Variants in POLI observed in about 807,000 individuals in gnomAD.
POLI encodes the protein RAD30 homolog B.
Under a neutral mutation model 51.6 loss-of-function variants are expected in POLI, and 58 were observed. The observed-to-expected ratio is 1.12, with a 90% CI of 0.91 to 1.40. The LOEUF is 1.40. Ranked by LOEUF, POLI falls within the 40% of genes most tolerant of loss-of-function variation. The pLI is 0.00. For synonymous variants in POLI, 322 were observed against 299.7 expected, an observed-to-expected ratio of 1.07 and a Z score of -0.77; for missense variants, 921 against 871.3, an observed-to-expected ratio of 1.06 and a Z score of -0.72.
intron 5 of POLI, among the ~76,000 whole-genome samples, chr18:54,281,918 A>G (rs1053826635): frequency 2.0e-5 from 3 of 152,110 alleles, no homozygotes; most frequent in Non-Finnish European, 4.4e-5. Context: ...TAACTGTGGA[A>G]TTACTGTTTT....
chr18:54,285,521 AGTGT>A (rs61280100), intron 7 of POLI, among the ~76,000 whole-genome samples: 27,150 of 144,474 alleles, frequency 0.19, 2,564 homozygotes, highest in Middle Eastern at 0.23. Flanking sequence ...AAATTACAGG[AGTGT>A]GTGTGTGTGT....
Position 54,273,997 on chromosome 18 carries a change from A to C in POLI, c.313A>C (p.Asn105His). 1.3e-6 allele frequency: 2 copies of C among 1,584,794 alleles called. No homozygotes were observed. The part of the protein sequence containing the change: ...ARKLGVKKLM[N>H]VRDAKEKCPQ... Reference sequence around the variant, plus strand: ...GAAACTTGGAGTTAAGAAACTTATGAATGTCAGAGATGCAAAAGAAAAGTG... The same window carrying C: ...GAAACTTGGAGTTAAGAAACTTATGCATGTCAGAGATGCAAAAGAAAAGTG... Residue 105 changes from asparagine to histidine, a missense_variant, in exon 3 of 10, where the codon AAT becomes CAT. Asn to His is a moderately conservative substitution (Grantham distance 68). Coordinates refer to ENST00000579534, the MANE Select transcript of POLI (RefSeq NM_007195.3).
chr18:54,270,049 A>G (rs3730672), intron 1 of POLI: 16,360 of 1,000,482 alleles, frequency 0.016, 141 homozygotes, highest in Non-Finnish European at 0.018. Flanking sequence ...CCCGGATCTC[A>G]GTCCTGGCAG....
intron 3 of POLI, among the ~76,000 whole-genome samples, chr18:54,317,449 G>A (rs1053329271): frequency 2.0e-5 from 3 of 152,154 alleles, no homozygotes; most frequent in Admixed American, 6.6e-5. Context: ...AAAAAATGAA[G>A]TATATTAAGA....
rs200966685 is a variant in POLI, at chr18:54,276,172, T to TG, written c.407-1528dup. Reference sequence around the variant, plus strand: ...GGTGGGGTATCATTTGAGGTCAGTCTGGGCAATATAACATAGCAAGACCCT... The same window carrying TG: ...GGTGGGGTATCATTTGAGGTCAGTCTGGGGCAATATAACATAGCAAGACCCT... On this transcript the variant is annotated intron_variant, in intron 3 of 9. Transcript: ENST00000579534. Among the ~76,000 whole-genome samples, 577 of 151,810 alleles carry TG rather than the reference T, an allele frequency of 3.8e-3. 4 individuals are homozygous for TG. Among genetic ancestry groups the TG allele is most frequent in the African/African-American group, 0.013 (533 of 41,374 alleles).
At chr18:54,274,536 T>C (rs2087154475) in intron 3 of POLI, among the ~76,000 whole-genome samples, 1 of 151,780 alleles carries the variant, frequency 6.6e-6, no homozygotes, top group Admixed American at 6.6e-5. Context: ...TTAATAAAAA[T>C]ATTGGATATA....
rs774239050 is a variant in POLI, at chr18:54,269,612, G to A, written c.66G>A (p.Glu22=). The change falls in exon 1 of 10, where the codon GAG becomes GAA. Residue 22 remains glutamate, a synonymous_variant. Transcript: ENST00000579534. ...GCGACGACGACGAGGAAGACGCCGA[G>A]GCCTGGGCCATGGAACTGGCGGACG... ...GGGDDDEEDA[E]AWAMELADVG... is the part of the protein sequence containing the mutation. The A allele has an allele frequency of 2.0e-6, 3 of 1,511,432 alleles. No individual in the cohort carries two copies. Among genetic ancestry groups the A allele is most frequent in the East Asian group, 2.8e-5 (1 of 35,708 alleles). 93.6% of individuals were successfully genotyped at this position (1,511,432 alleles called of 1,614,324 possible).
chr18:54,278,718 A>G (rs1330742793), intron 4 of POLI, among the ~76,000 whole-genome samples: 4 of 152,246 alleles, frequency 2.6e-5, no homozygotes, highest in African/African-American at 4.8e-5. Context: ...ACATTTGAAA[A>G]TAAGCTGCAG....
Position 54,273,908 on chromosome 18 carries a change from A to T in POLI, c.242-18A>T. ...TTCTTCAATTGTGCTTGGGTTTCTC[A>T]TAAAATATTTTTTACAGGGGTTCAA... On this transcript the variant is annotated intron_variant, in intron 2 of 9. Coordinates refer to ENST00000579534, the MANE Select transcript of POLI (RefSeq NM_007195.3). The T allele has an allele frequency of 6.9e-7, 1 of 1,445,978 alleles. No homozygotes were observed. The highest frequency in any genetic ancestry group is 9.2e-7 in the Non-Finnish European group (1 of 1,082,588). 89.6% of individuals were successfully genotyped at this position (1,445,978 alleles called of 1,614,324 possible).
chr18:54,274,023 TC>T lies in POLI; in HGVS notation c.341del (p.Pro114HisfsTer5). 6.3e-7 allele frequency: 1 copy of T among 1,580,254 alleles called. No individual in the cohort carries two copies. The highest frequency in any genetic ancestry group is 2.3e-5 in the East Asian group (1 of 43,110). ...ATGTCAGAGATGCAAAAGAAAAGTG[TC>T]CACAGTTGGTATTAGTTAATGGAGA... ...MNVRDAKEKC[P>X]QLVLVNGEDL... On this transcript the variant is annotated frameshift_variant, in exon 3 of 10. Transcript: ENST00000579534. LOFTEE classifies it high-confidence loss of function.
chr18:54,294,686 TTTTATA>T lies in POLI; in HGVS notation c.*222_*227del. 5 of 1,158,264 alleles carry T rather than the reference TTTTATA, an allele frequency of 4.3e-6. No individual in the cohort carries two copies. The highest frequency in any genetic ancestry group is 5.4e-6 in the Non-Finnish European group (5 of 934,502). 71.7% of individuals were successfully genotyped at this position (1,158,264 alleles called of 1,614,324 possible). Reference sequence around the variant, plus strand: ...ATACTATCTTTTATGTCTAAAGCCATTTTATATTACTTTTCAATAAAAAGAATATCA... The same window carrying T: ...ATACTATCTTTTATGTCTAAAGCCATTTACTTTTCAATAAAAAGAATATCA... On this transcript the variant is annotated 3_prime_UTR_variant, in exon 10 of 10. Coordinates refer to ENST00000579534, the MANE Select transcript of POLI (RefSeq NM_007195.3).
At position 54,271,487 on chromosome 18, in the gene POLI, T is replaced by G; in HGVS notation, c.241+2T>G. ...CAGAGCTAAAAGACAAACCTTTAGGTAACTGTAGATTTATAATATTTTTAA... is the reference window on the plus strand; with the variant it reads ...CAGAGCTAAAAGACAAACCTTTAGGGAACTGTAGATTTATAATATTTTTAA... On this transcript the variant is annotated splice_donor_variant, in intron 2 of 9. Coordinates refer to ENST00000579534, the MANE Select transcript of POLI (RefSeq NM_007195.3). LOFTEE classifies it high-confidence loss of function. 6.4e-7 allele frequency: 1 copy of G among 1,572,238 alleles called. No individual in the cohort carries two copies. Among genetic ancestry groups the G allele is most frequent in the Non-Finnish European group, 8.7e-7 (1 of 1,151,872 alleles).
chr18:54,293,950 T>C lies in POLI; in HGVS notation c.1706T>C (p.Leu569Ser). 1 of 1,612,686 alleles carries C rather than the reference T, an allele frequency of 6.2e-7. No homozygotes were observed. Among genetic ancestry groups the C allele is most frequent in the Non-Finnish European group, 8.5e-7 (1 of 1,178,916 alleles). ...SCPLHASRGV[L>S]SFFSKKQMQD... ...CCATTACATGCCTCTAGAGGAGTAT[T>C]ATCTTTCTTTTCTAAAAAACAAATG... Residue 569 changes from leucine to serine, a missense_variant, in exon 10 of 10, where the codon TTA becomes TCA. Leu to Ser is a moderately radical substitution (Grantham distance 145). Transcript: ENST00000579534.
At chr18:54,317,843 C>T (rs371311418) in intron 3 of POLI, among the ~76,000 whole-genome samples, 3 of 152,090 alleles carry the variant, frequency 2.0e-5, no homozygotes, top group Non-Finnish European at 2.9e-5. Context: ...CAAGCCTGGG[C>T]GACAGGCTTT....
At chr18:54,301,172 G>A (rs188990344), downstream of POLI, among the ~76,000 whole-genome samples, 99 of 152,206 alleles carry the variant, frequency 6.5e-4, no homozygotes, top group Middle Eastern at 0.01. Flanking sequence ...TTAGCTACTC[G>A]GGAGGCTGAC....
chr18:54,309,031 C>T (rs1011029550), intron 3 of POLI, among the ~76,000 whole-genome samples: 2 of 152,148 alleles, frequency 1.3e-5, no homozygotes, highest in Non-Finnish European at 2.9e-5. Flanking sequence ...TTTGAACATC[C>T]TCCTTTAGCT....
chr18:54,276,742 A>G (rs2077876662), intron 3 of POLI, among the ~76,000 whole-genome samples: 1 of 152,176 alleles, frequency 6.6e-6, no homozygotes, highest in Non-Finnish European at 1.5e-5. Flanking sequence ...TCACATTGTT[A>G]CCTTTATTGG....
At chr18:54,271,273 C>T (rs1222671142) in intron 1 of POLI, 87 bp from the exon 2 acceptor site, 2 of 1,156,492 alleles carry the variant, frequency 1.7e-6, no homozygotes, top group Non-Finnish European at 1.2e-6. Flanking sequence ...ATTCTTCCTT[C>T]ACAGGTACCA....
intron 8 of POLI, among the ~76,000 whole-genome samples, chr18:54,290,698 A>C (rs2087966443): frequency 6.6e-6 from 1 of 152,156 alleles, no homozygotes; most frequent in Admixed American, 6.5e-5. Flanking sequence ...ATGAAGCTGG[A>C]AACCATCATT....
Sources: gnomAD v4.1 joint callset for allele counts (sites outside exome capture counted in the v4.1 genomes callset) on GRCh38, gnomAD v4.1.1 for gene constraint, MANE v1.5 for transcripts, NCBI Gene and HGNC (gene_info 2026-07-23, HGNC 2026-07-21) for gene names.